TRAPPC9: variants seen among roughly 807,000 people sequenced by gnomAD.
TRAPPC9 encodes the protein IKK2 binding protein.
TRAPPC9 carries 83 observed loss-of-function variants against 124.0 expected under a neutral mutation model. The ratio of observed to expected loss-of-function variants is 0.67; its 90% CI spans 0.56 to 0.80. The LOEUF (loss-of-function observed/expected upper bound fraction) is 0.80, where lower values mean the gene tolerates loss of function less well. Ranked by LOEUF, TRAPPC9 falls within the 30% of genes least tolerant of loss-of-function variation. TRAPPC9 has a pLI of 0.00. For missense variants in TRAPPC9, 1,302 were observed against 1,508.3 expected, an observed-to-expected ratio of 0.86 and a Z score of 2.27; for synonymous variants, 638 against 617.5, an observed-to-expected ratio of 1.03 and a Z score of -0.49.
intron 20 of TRAPPC9, among the ~76,000 whole-genome samples, chr8:139,893,394 G>T (rs1166841126): frequency 4.6e-5 from 7 of 152,158 alleles, no homozygotes; most frequent in Non-Finnish European, 1.0e-4. Flanking sequence ...GCCCCTCAGG[G>T]GAGCCAACTG....
chr8:140,333,807 A>G (rs1009759890), intron 9 of TRAPPC9, among the ~76,000 whole-genome samples: 16 of 152,228 alleles, frequency 1.1e-4, no homozygotes, highest in African/African-American at 2.4e-5. Flanking sequence ...TAAAATGTCA[A>G]TGGCATAAGA....
intron 19 of TRAPPC9, among the ~76,000 whole-genome samples, chr8:139,964,735 G>A (rs1305103297): frequency 1.3e-5 from 2 of 152,148 alleles, no homozygotes; most frequent in Admixed American, 6.5e-5. Context: ...AGGAAGCATG[G>A]CAACACTGTA....
rs143700459 is a variant in TRAPPC9 at position 140,127,656 on chromosome 8, A to G, written c.2556+93803T>C. Among the ~76,000 whole-genome samples the G allele has an allele frequency of 2.1e-3, 324 of 152,368 alleles. 1 individual carries two copies. The highest frequency in any genetic ancestry group is 0.01 in the Middle Eastern group (3 of 294). On this transcript the variant is annotated intron_variant, in intron 17 of 22. Coordinates refer to ENST00000438773, the MANE Select transcript of TRAPPC9 (RefSeq NM_001160372.4). ...CAGATTTCACTGATAACAAAAATAC[A>G]TATTCCAGAAATAATTTCATTTTAT... is the stretch of plus-strand genomic sequence containing the variant.
At position 140,276,231 on chromosome 8, in the gene TRAPPC9, T is replaced by C. The variant is rs1384805131; in HGVS notation, c.2115-410A>G. ...CTTAGAAGTACCTTGGGAAACTCCA[T>C]AGATTTAAGAGGAAAATGTATACCA... On this transcript the variant is annotated intron_variant, in intron 14 of 22. Coordinates refer to ENST00000438773, the MANE Select transcript of TRAPPC9 (RefSeq NM_001160372.4). 6.6e-5 allele frequency among the ~76,000 whole-genome samples: 10 copies of C among 152,182 alleles called. No individual in the cohort carries two copies. In the South Asian group the frequency reaches 8.3e-4, roughly 13 times the overall value.
chr8:140,062,096 C>CAACA (rs1842653184), intron 17 of TRAPPC9, among the ~76,000 whole-genome samples: 1 of 152,206 alleles, frequency 6.6e-6, no homozygotes, highest in African/African-American at 2.4e-5. Context: ...AGGAAAAAGG[C>CAACA]AACACCTTCC....
chr8:140,094,586 T>C (rs1257474196), intron 17 of TRAPPC9, among the ~76,000 whole-genome samples: 2 of 152,142 alleles, frequency 1.3e-5, no homozygotes, highest in African/African-American at 4.8e-5. Context: ...ACCAGTGACC[T>C]GACAGCTACT....
At chr8:140,397,514 T>C in intron 7 of TRAPPC9, 106 bp downstream of exon 7, 3 of 1,295,814 alleles carry the variant, frequency 2.3e-6, no homozygotes, top group African/African-American at 1.5e-5. Flanking sequence ...ACAGTTTTTA[T>C]CATGGCATGC....
intron 17 of TRAPPC9, among the ~76,000 whole-genome samples, chr8:140,031,827 A>C (rs980999852): frequency 2.0e-5 from 3 of 152,230 alleles, no homozygotes; most frequent in Non-Finnish European, 4.4e-5. Flanking sequence ...CTTCCAGCCA[A>C]GAGGCCCAGG....
At chr8:140,306,741 G>GA (rs1287953739) in intron 10 of TRAPPC9, among the ~76,000 whole-genome samples, 1 of 152,178 alleles carries the variant, frequency 6.6e-6, no homozygotes, top group East Asian at 1.9e-4. Context: ...CAAGTCCAAG[G>GA]AAGAGAACAT....
rs147856893 is a variant in TRAPPC9, at chr8:139,982,354, C to A, written c.2810+6372G>T. ...CTCAGCAGCCCAGTTCCAGCTCCAA[C>A]TGACTGCATGCCCCTGGTGGGTCTC... On this transcript the variant is annotated intron_variant, in intron 19 of 22. Coordinates refer to ENST00000438773, the MANE Select transcript of TRAPPC9 (RefSeq NM_001160372.4). Among the ~76,000 whole-genome samples the A allele has an allele frequency of 4.0e-3, 613 of 152,320 alleles. 3 individuals are homozygous for A. Among genetic ancestry groups the A allele is most frequent in the African/African-American group, 0.013 (561 of 41,570 alleles).
chr8:140,215,211 C>T (rs980507183), intron 17 of TRAPPC9, among the ~76,000 whole-genome samples: 1 of 152,138 alleles, frequency 6.6e-6, no homozygotes, highest in Non-Finnish European at 1.5e-5. Flanking sequence ...CCAACTGCTC[C>T]CTCTTACCCA....
At chr8:140,430,405 G>T (rs540793846) in intron 4 of TRAPPC9, among the ~76,000 whole-genome samples, 1 of 152,220 alleles carries the variant, frequency 6.6e-6, no homozygotes, top group African/African-American at 2.4e-5. Flanking sequence ...CCACCCAAGT[G>T]GAGTGAGGTG....
At chr8:140,313,898 G>A (rs1342855934) in intron 9 of TRAPPC9, among the ~76,000 whole-genome samples, 5 of 152,278 alleles carry the variant, frequency 3.3e-5, no homozygotes, top group Middle Eastern at 6.8e-3. Flanking sequence ...CGCCATTTCA[G>A]TGGGGTTTCT....
At chr8:140,012,319 C>A (rs1471858230) in intron 18 of TRAPPC9, among the ~76,000 whole-genome samples, 1 of 152,180 alleles carries the variant, frequency 6.6e-6, no homozygotes, top group East Asian at 1.9e-4. Flanking sequence ...AATCAAGGTA[C>A]CCTGCCACAG....
chr8:139,878,353 A>T (rs1028892293), intron 21 of TRAPPC9, among the ~76,000 whole-genome samples: 3 of 152,180 alleles, frequency 2.0e-5, no homozygotes, highest in African/African-American at 7.2e-5. Context: ...AATGAATTAG[A>T]GGTTGTTTTG....
intron 19 of TRAPPC9, among the ~76,000 whole-genome samples, chr8:139,948,572 C>T (rs1044814371): frequency 6.6e-6 from 1 of 152,142 alleles, no homozygotes; most frequent in African/African-American, 2.4e-5. Context: ...TTGTTCATTA[C>T]GGCAGCCCCT....
chr8:140,378,225 G>A (rs182825490), intron 7 of TRAPPC9, among the ~76,000 whole-genome samples: 3 of 152,154 alleles, frequency 2.0e-5, no homozygotes, highest in East Asian at 1.9e-4. Context: ...AATACTAAGC[G>A]TCAACTTGAT....
chr8:140,099,724 C>T lies in TRAPPC9; in HGVS notation c.2557-75645G>A, dbSNP rs367559851. On this transcript the variant is annotated intron_variant, in intron 17 of 22. Transcript: ENST00000438773. ...CAATCCACAGGGTACTGACACCCGCCCGGGTCTCTGCAGCCTTCCACAGGG... is the reference window on the plus strand; with the variant it reads ...CAATCCACAGGGTACTGACACCCGCTCGGGTCTCTGCAGCCTTCCACAGGG... 1.9e-3 allele frequency: 289 copies of T among 152,456 alleles called. 1 individual carries two copies. The highest frequency in any genetic ancestry group is 0.016 in the South Asian group (79 of 4,836). The allele number at this position is 152,456 out of a possible 1,614,324, so 9.4% of individuals were successfully genotyped here.
intron 6 of TRAPPC9, among the ~76,000 whole-genome samples, chr8:140,402,333 G>A (rs2069306578): frequency 6.6e-6 from 1 of 151,994 alleles, no homozygotes; most frequent in Non-Finnish European, 1.5e-5. Flanking sequence ...AGGATTTTGA[G>A]GTTACAGTGA....
Sources: gnomAD v4.1 joint callset for allele counts (sites outside exome capture counted in the v4.1 genomes callset) on GRCh38, gnomAD v4.1.1 for gene constraint, MANE v1.5 for transcripts, NCBI Gene and HGNC (gene_info 2026-07-23, HGNC 2026-07-21) for gene names.